The following CMTR1 variants were observed in gnomAD, a reference collection of about 807,000 sequenced individuals.
CMTR1 encodes the protein cap methyltransferase 1.
In CMTR1, 39 loss-of-function variants were observed where a neutral mutation model predicts 107.0. The ratio of observed to expected loss-of-function variants is 0.36; its 90% CI spans 0.28 to 0.48. The LOEUF is 0.48. CMTR1 is among the 20% of genes least tolerant of loss of function. The pLI, the probability that CMTR1 is intolerant of heterozygous loss-of-function variation, is 0.99. For synonymous variants in CMTR1, 366 were observed against 379.5 expected, an observed-to-expected ratio of 0.96 and a Z score of 0.41; for missense variants, 672 against 1,064.9, an observed-to-expected ratio of 0.63 and a Z score of 5.14.
At position 37,475,426 on chromosome 6, in the gene CMTR1, C is replaced by A; in HGVS notation, c.2036+14C>A. On this transcript the variant is annotated intron_variant, in intron 19 of 23. Coordinates refer to ENST00000373451, the MANE Select transcript of CMTR1 (RefSeq NM_015050.3). ...CTTTAACCAGCGGTCTGACCTGGGC[C>A]CCAGGGTAGGGAGGGTGGGGGTAGG... 6.2e-7 allele frequency: 1 copy of A among 1,608,818 alleles called. No homozygotes were observed. Among genetic ancestry groups the A allele is most frequent in the Non-Finnish European group, 8.5e-7 (1 of 1,175,844 alleles).
At chr6:37,475,766 G>A in intron 19 of CMTR1, 1 of 477,242 alleles carries the variant, frequency 2.1e-6, no homozygotes, top group Non-Finnish European at 3.8e-6. Flanking sequence ...CATTTAAGTT[G>A]CTCATCTGAG....
At chr6:37,468,985 C>T (rs928028398) in intron 13 of CMTR1, among the ~76,000 whole-genome samples, 4 of 152,176 alleles carry the variant, frequency 2.6e-5, no homozygotes, top group Non-Finnish European at 5.9e-5. Context: ...AGGTGGATCA[C>T]CTCAGGCCAG....
chr6:37,479,982 C>T (rs1319981916), intron 23 of CMTR1, 31 bp from the exon 24 acceptor site: 1 of 1,546,074 alleles, frequency 6.5e-7, no homozygotes, highest in East Asian at 2.4e-5. Flanking sequence ...GGGTGCAGTC[C>T]TGACCTCTTT....
chr6:37,450,223 G>A, intron 4 of CMTR1, 28 bp from the exon 5 acceptor site: 7 of 1,591,878 alleles, frequency 4.4e-6, no homozygotes, highest in South Asian at 1.1e-5. Context: ...TGTCATATCT[G>A]TCTTACTAGC....
intron 17 of CMTR1, among the ~76,000 whole-genome samples, chr6:37,473,908 C>A (rs956540963): frequency 6.6e-6 from 1 of 152,196 alleles, no homozygotes; most frequent in Non-Finnish European, 1.5e-5. Flanking sequence ...TGGCTTGAGC[C>A]CAGGCAGCCA....
chr6:37,453,685 T>C (rs1417773331), intron 8 of CMTR1, among the ~76,000 whole-genome samples: 1 of 152,178 alleles, frequency 6.6e-6, no homozygotes, highest in African/African-American at 2.4e-5. Flanking sequence ...GGCATTTCAG[T>C]GGGCATTTTC....
At chr6:37,478,357 T>G in intron 21 of CMTR1, 52 bp from the exon 22 acceptor site, 2 of 1,401,980 alleles carry the variant, frequency 1.4e-6, no homozygotes, top group Non-Finnish European at 1.0e-6. Context: ...AGACTAATTT[T>G]ATCAGCCAGG....
At chr6:37,448,811 C>A (rs907179071) in intron 4 of CMTR1, among the ~76,000 whole-genome samples, 1 of 152,216 alleles carries the variant, frequency 6.6e-6, no homozygotes, top group South Asian at 2.1e-4. Flanking sequence ...GTTTCTCTAT[C>A]CTGGTGGCAC....
intron 13 of CMTR1, among the ~76,000 whole-genome samples, chr6:37,470,562 C>G (rs74984669): frequency 0.011 from 1,647 of 152,312 alleles, 20 homozygotes; most frequent in South Asian, 0.044. Flanking sequence ...GGCCTGTTTT[C>G]CCTCTTGTCA....
At chr6:37,449,082 AG>A (rs1383675650) in intron 4 of CMTR1, among the ~76,000 whole-genome samples, 1 of 152,148 alleles carries the variant, frequency 6.6e-6, no homozygotes, top group African/African-American at 2.4e-5. Context: ...CTACAACTAC[AG>A]GCCTGTGCCA....
intron 16 of CMTR1, 100 bp from the exon 17 acceptor site, chr6:37,473,370 T>C: frequency 7.6e-7 from 1 of 1,323,988 alleles, no homozygotes; most frequent in Admixed American, 2.1e-5. Flanking sequence ...AGCCAATGCT[T>C]CCTGTCCCTT....
At chr6:37,436,133 G>A (rs116429604) in intron 2 of CMTR1, among the ~76,000 whole-genome samples, 2,131 of 152,242 alleles carry the variant, frequency 0.014, 45 homozygotes, top group African/African-American at 0.047. Flanking sequence ...TCTTTGCTGC[G>A]GCCGTCGAGC....
chr6:37,480,874 C>T lies in CMTR1; in HGVS notation c.*729C>T, dbSNP rs1761840011. The stretch of plus-strand genomic sequence containing the variant: ...TGGAGTTGTAGAGCCATCCTAGGTG[C>T]CATCCCCTTTTGGTCCAAACATTGG... On this transcript the variant is annotated 3_prime_UTR_variant, in exon 24 of 24. Coordinates refer to ENST00000373451, the MANE Select transcript of CMTR1 (RefSeq NM_015050.3). 1 of 1,194,506 alleles carries T rather than the reference C, an allele frequency of 8.4e-7. No individual in the cohort carries two copies. Among genetic ancestry groups the T allele is most frequent in the African/African-American group, 1.6e-5 (1 of 62,636 alleles). 74.0% of individuals were successfully genotyped at this position (1,194,506 alleles called of 1,614,324 possible).
chr6:37,465,968 C>T (rs1432727030), intron 13 of CMTR1, among the ~76,000 whole-genome samples: 1 of 151,800 alleles, frequency 6.6e-6, no homozygotes, highest in African/African-American at 2.4e-5. Context: ...TCCTTTGATG[C>T]ACTGAAGTTT....
Position 37,478,399 on chromosome 6 carries a change from G to T in CMTR1, c.2154-10G>T. 6.2e-7 allele frequency: 1 copy of T among 1,610,502 alleles called. No homozygotes were observed. Among genetic ancestry groups the T allele is most frequent in the South Asian group, 1.1e-5 (1 of 90,976 alleles). On this transcript the variant is annotated splice_polypyrimidine_tract_variant and intron_variant, in intron 21 of 23. Transcript: ENST00000373451. ...TCTCTCTCATGCACGTACCTTCTCG[G>T]GGAAATCAGGTTGGAGATGAAGATC...
At chr6:37,424,053 GC>G in the CMTR1 span, among the ~76,000 whole-genome samples, 1 of 152,106 alleles carries the variant, frequency 6.6e-6, no homozygotes, top group Non-Finnish European at 1.5e-5. Flanking sequence ...GTCACAGGTA[GC>G]CTTTTTTTTA....
At chr6:37,429,416 A>G (rs775288977), upstream of CMTR1, among the ~76,000 whole-genome samples, 3 of 152,236 alleles carry the variant, frequency 2.0e-5, no homozygotes, top group Non-Finnish European at 4.4e-5. Context: ...GAAAAACTTT[A>G]CATAAATAAA....
chr6:37,437,362 TA>T (rs1309694164), intron 2 of CMTR1, among the ~76,000 whole-genome samples: 1 of 151,378 alleles, frequency 6.6e-6, no homozygotes, highest in Non-Finnish European at 1.5e-5. Flanking sequence ...CCATCTCTAC[TA>T]AAAAACAGAA....
intron 2 of CMTR1, among the ~76,000 whole-genome samples, chr6:37,438,567 G>A (rs1016395336): frequency 5.3e-5 from 8 of 152,298 alleles, no homozygotes; most frequent in Admixed American, 2.0e-4. Flanking sequence ...GAAACTGAGG[G>A]CAGTATCTTT....
Sources: gnomAD v4.1 joint callset for allele counts (sites outside exome capture counted in the v4.1 genomes callset) on GRCh38, gnomAD v4.1.1 for gene constraint, MANE v1.5 for transcripts, NCBI Gene and HGNC (gene_info 2026-07-23, HGNC 2026-07-21) for gene names.